The following PDE6A variants were observed in gnomAD, a reference collection of about 807,000 sequenced individuals.
PDE6A encodes the protein phosphodiesterase 6A.
In PDE6A, 84 loss-of-function variants were observed where a neutral mutation model predicts 106.3. That is an observed-to-expected ratio of 0.79 (90% confidence interval 0.66 to 0.95). The LOEUF is 0.95. PDE6A is among the 40% of genes least tolerant of loss of function. The pLI, the probability that PDE6A is intolerant of heterozygous loss-of-function variation, is 0.00. For missense variants in PDE6A, 1,052 were observed against 1,084.9 expected (o/e 0.97, Z 0.43); for synonymous variants, 394 against 386.6 (o/e 1.02, Z -0.23).
At position 149,886,326 on chromosome 5, in the gene PDE6A, C is replaced by T. The variant is rs779471780; in HGVS notation, c.1777G>A (p.Val593Ile). ...ATGTCATGGCAGAAAGCAGCAGTGA[C>T]CATGGCCAAGGCCTCTAGGTCCGTG... ...YFTDLEALAMVTAAFCHDIDH... is the reference protein window; with the variant it reads ...YFTDLEALAMITAAFCHDIDH... Residue 593 changes from valine (V) to isoleucine (I), a missense_variant, in exon 14 of 22, where the codon GTC becomes ATC. Physicochemically the swap from Val to Ile is conservative, Grantham distance 29. Around this residue, in one of 3 missense-constraint regions of PDE6A, gnomAD observed 913 missense variants for 915.2 expected, o/e 1.00. Transcript: ENST00000255266. The T allele has an allele frequency of 6.2e-7, 1 of 1,614,200 alleles. No homozygotes were observed. Among genetic ancestry groups the T allele is most frequent in the Non-Finnish European group, 8.5e-7 (1 of 1,180,018 alleles).
At chr5:149,929,297 C>T (rs957913367) in intron 4 of PDE6A, among the ~76,000 whole-genome samples, 1 of 152,134 alleles carries the variant, frequency 6.6e-6, no homozygotes, top group Non-Finnish European at 1.5e-5. Flanking sequence ...TGAATGAACT[C>T]ATGCTAAATG....
At chr5:149,905,303 G>A (rs1753141484) in intron 7 of PDE6A, among the ~76,000 whole-genome samples, 2 of 152,106 alleles carry the variant, frequency 1.3e-5, no homozygotes, top group South Asian at 4.2e-4. Flanking sequence ...CTCCCTAAGT[G>A]GCTTCCTCCA....
In PDE6A at chr5:149,858,067, G is replaced by C. The variant is rs1014870825; in HGVS notation, c.*2828C>G. Reference sequence around the variant, plus strand: ...GGAAAACTGACTCTGTTTCTGCAAGGTGATGACAATGGAAAAAAGGAAGGA... The same window carrying C: ...GGAAAACTGACTCTGTTTCTGCAAGCTGATGACAATGGAAAAAAGGAAGGA... On this transcript the variant is annotated 3_prime_UTR_variant, in exon 22 of 22. Coordinates refer to ENST00000255266, the MANE Select transcript of PDE6A (RefSeq NM_000440.3). The C allele has an allele frequency of 6.6e-6, 1 of 152,192 alleles. No homozygotes were observed. Among genetic ancestry groups the C allele is most frequent in the Non-Finnish European group, 1.5e-5 (1 of 68,032 alleles). 9.4% of individuals were successfully genotyped at this position (152,192 alleles called of 1,614,324 possible). A position where few individuals can be genotyped will look rare whatever the true frequency, so the allele number is the denominator to read the frequency against.
chr5:149,881,977 G>A (rs141344892), intron 17 of PDE6A, among the ~76,000 whole-genome samples: 4,914 of 151,674 alleles, frequency 0.032, 121 homozygotes, highest in Admixed American at 0.054. Flanking sequence ...GCTTGAGCCT[G>A]GAAGGTTGAG....
intron 17 of PDE6A, among the ~76,000 whole-genome samples, chr5:149,876,013 A>G (rs567787056): frequency 6.6e-6 from 1 of 152,308 alleles, no homozygotes; most frequent in Admixed American, 6.5e-5. Context: ...TGTACACTAC[A>G]TATATGCTTG....
intron 6 of PDE6A, among the ~76,000 whole-genome samples, chr5:149,913,880 T>C (rs942415710): frequency 5.3e-5 from 8 of 152,236 alleles, no homozygotes; most frequent in African/African-American, 1.9e-4. Context: ...TCAAATCTTC[T>C]AATGGTCATT....
chr5:149,923,884 C>T (rs1215895431), intron 4 of PDE6A, among the ~76,000 whole-genome samples: 1 of 152,142 alleles, frequency 6.6e-6, no homozygotes, highest in African/African-American at 2.4e-5. Context: ...GCCAAGCCCT[C>T]CTCATTCCTC....
chr5:149,928,557 CA>C (rs1382241196), intron 4 of PDE6A, among the ~76,000 whole-genome samples: 1 of 152,002 alleles, frequency 6.6e-6, no homozygotes, highest in Non-Finnish European at 1.5e-5. Context: ...TACTTTTATG[CA>C]ACTGGCAGTG....
chr5:149,898,243 C>T lies in PDE6A; in HGVS notation c.1407+120G>A, dbSNP rs1365071316. On this transcript the variant is annotated intron_variant, in intron 10 of 21. Transcript: ENST00000255266. ...CTGTGCTAGGCAGGAAGGAACACAA[C>T]AGTGCACAAACCCATGCCCAGGCTG... 31 of 826,884 alleles carry T rather than the reference C, an allele frequency of 3.7e-5. No homozygotes were observed. In the South Asian group the frequency reaches 4.2e-4, roughly 11 times the overall value. 51.2% of individuals were successfully genotyped at this position (826,884 alleles called of 1,614,324 possible). A position where few individuals can be genotyped will look rare whatever the true frequency, so the allele number is the denominator to read the frequency against.
intron 17 of PDE6A, among the ~76,000 whole-genome samples, chr5:149,878,932 C>T (rs1456180332): frequency 1.3e-5 from 2 of 152,070 alleles, no homozygotes; most frequent in Non-Finnish European, 1.5e-5. Context: ...ACTTACTTTC[C>T]TATTTAGACT....
chr5:149,900,375 GTATATA>G lies in PDE6A; in HGVS notation c.1114-857_1114-852del, dbSNP rs55680278. On this transcript the variant is annotated intron_variant, in intron 8 of 21. Coordinates refer to ENST00000255266, the MANE Select transcript of PDE6A (RefSeq NM_000440.3). ...AGACTCCATCTCGAAAAATATATATGTATATATATATATATATATATATCCGTTGGT... is the reference window on the plus strand; with the variant it reads ...AGACTCCATCTCGAAAAATATATATGTATATATATATATATATCCGTTGGT... 5.1e-4 allele frequency among the ~76,000 whole-genome samples: 42 copies of G among 82,652 alleles called. 2 individuals carry two copies. The East Asian group carries it at 6.5e-3, about 13-fold the overall frequency. The allele number at this position is 82,652 out of a possible 152,430, so 54.2% of individuals were successfully genotyped here. A position where few individuals can be genotyped will look rare whatever the true frequency, so the allele number is the denominator to read the frequency against.
chr5:149,878,391 G>A (rs1760816212), intron 17 of PDE6A, among the ~76,000 whole-genome samples: 1 of 152,020 alleles, frequency 6.6e-6, no homozygotes, highest in Non-Finnish European at 1.5e-5. Context: ...GTATGAAAGT[G>A]TTATCGTTTA....
chr5:149,894,194 C>T (rs1014697943), intron 13 of PDE6A, among the ~76,000 whole-genome samples: 8 of 152,314 alleles, frequency 5.3e-5, no homozygotes, highest in Admixed American at 5.2e-4. Flanking sequence ...TTTAGACCTC[C>T]TTTTTGTCCT....
At chr5:149,867,999 G>T (rs899254396) in intron 18 of PDE6A, 96 bp downstream of exon 18, 1 of 1,268,804 alleles carries the variant, frequency 7.9e-7, no homozygotes, top group Non-Finnish European at 1.2e-6. Context: ...ACACAGGTGA[G>T]CTGGTTCTGG....
intron 6 of PDE6A, among the ~76,000 whole-genome samples, chr5:149,911,105 T>C (rs1312827200): frequency 6.6e-6 from 1 of 151,966 alleles, no homozygotes; most frequent in African/African-American, 2.4e-5. Context: ...GGTCTCAAAG[T>C]CCTGAGCTCA....
At chr5:149,906,166 C>A (rs906828849) in intron 7 of PDE6A, among the ~76,000 whole-genome samples, 9 of 151,846 alleles carry the variant, frequency 5.9e-5, no homozygotes, top group Non-Finnish European at 1.2e-4. Flanking sequence ...CCAGAGTTAT[C>A]TTTCTAAAAT....
At chr5:149,888,047 G>A (rs1399781301) in intron 13 of PDE6A, among the ~76,000 whole-genome samples, 1 of 152,086 alleles carries the variant, frequency 6.6e-6, no homozygotes, top group African/African-American at 2.4e-5. Flanking sequence ...TGAGGTGGGA[G>A]GATCGCTTGA....
chr5:149,911,232 TAC>T (rs1313014091), intron 6 of PDE6A, among the ~76,000 whole-genome samples: 1 of 152,114 alleles, frequency 6.6e-6, no homozygotes, highest in African/African-American at 2.4e-5. Context: ...CTTTAGTCCT[TAC>T]ACACACACAA....
chr5:149,922,338 G>A (rs1373686177), intron 4 of PDE6A, among the ~76,000 whole-genome samples: 1 of 150,008 alleles, frequency 6.7e-6, no homozygotes, highest in African/African-American at 2.5e-5. Context: ...TGGAGACAGG[G>A]TCTCGCTCTG....
Sources: gnomAD v4.1 joint callset for allele counts (sites outside exome capture counted in the v4.1 genomes callset) on GRCh38, gnomAD v4.1.1 for gene constraint, gnomAD v4.1.1 regional missense constraint, MANE v1.5 for transcripts, NCBI Gene and HGNC (gene_info 2026-07-23, HGNC 2026-07-21) for gene names.